SENP7: variants seen among roughly 807,000 people sequenced by gnomAD.
The protein encoded by SENP7 is SUMO specific peptidase 7, also known as sentrin-specific protease 7.
SENP7 carries 64 observed loss-of-function variants against 141.2 expected under a neutral mutation model. The observed-to-expected ratio is 0.45, with a 90% CI of 0.37 to 0.56. The LOEUF is 0.56. Ranked by LOEUF, SENP7 falls within the 20% of genes least tolerant of loss-of-function variation. The pLI is 0.00. For synonymous variants in SENP7, 382 were observed against 426.4 expected (o/e 0.90, Z 1.28); for missense variants, 1,025 against 1,212.2 (o/e 0.85, Z 2.29).
At chr3:101,333,536 TAATC>T (rs2107130259) in intron 17 of SENP7, among the ~76,000 whole-genome samples, 1 of 152,154 alleles carries the variant, frequency 6.6e-6, no homozygotes, top group African/African-American at 2.4e-5. Context: ...AAAAATAAAT[TAATC>T]AGTTAACTTA....
At chr3:101,330,700 G>A (rs1035700328) in intron 19 of SENP7, among the ~76,000 whole-genome samples, 2 of 152,178 alleles carry the variant, frequency 1.3e-5, no homozygotes, top group African/African-American at 4.8e-5. Context: ...ATTTAATGCA[G>A]AAGGTAGTTA....
At chr3:101,505,007 G>A (rs1461471581) in intron 1 of SENP7, among the ~76,000 whole-genome samples, 1 of 152,120 alleles carries the variant, frequency 6.6e-6, no homozygotes, top group Non-Finnish European at 1.5e-5. Flanking sequence ...CGAGGCTGCA[G>A]TGGGCCGTTT....
intron 6 of SENP7, among the ~76,000 whole-genome samples, chr3:101,377,341 C>T (rs1037404517): frequency 1.3e-5 from 2 of 152,044 alleles, no homozygotes; most frequent in Non-Finnish European, 1.5e-5. Flanking sequence ...TACAGAGAAT[C>T]GCAACTTACT....
At chr3:101,348,820 A>G (rs2059539986) in intron 12 of SENP7, among the ~76,000 whole-genome samples, 1 of 151,948 alleles carries the variant, frequency 6.6e-6, no homozygotes, top group African/African-American at 2.4e-5. Flanking sequence ...AAACTGATTT[A>G]AAGAAGTCCT....
intron 3 of SENP7, among the ~76,000 whole-genome samples, chr3:101,469,376 T>C (rs2063888180): frequency 6.6e-6 from 1 of 152,098 alleles, no homozygotes; most frequent in African/African-American, 2.4e-5. Flanking sequence ...TATCCAGGAC[T>C]TGAACTCAGC....
intron 3 of SENP7, among the ~76,000 whole-genome samples, chr3:101,460,992 G>A (rs908375530): frequency 2.6e-5 from 4 of 151,804 alleles, no homozygotes; most frequent in Non-Finnish European, 4.4e-5. Context: ...AATTCAGTAA[G>A]ATAAAGACAA....
Position 101,324,517 on chromosome 3 carries a change from G to C in SENP7, c.*1426C>G, listed in dbSNP as rs1196778434. 6.6e-6 allele frequency: 1 copy of C among 151,778 alleles called. No individual in the cohort carries two copies. The highest frequency in any genetic ancestry group is 1.5e-5 in the Non-Finnish European group (1 of 67,932). The allele number at this position is 151,778 out of a possible 1,614,324, so 9.4% of individuals were successfully genotyped here. On this transcript the variant is annotated 3_prime_UTR_variant, in exon 24 of 24. Transcript: ENST00000394095. Reference sequence around the variant, plus strand: ...AGTACCCCCCAACACACACAAATTGGGAATGAAATATGTAATTATAGCCAT... The same window carrying C: ...AGTACCCCCCAACACACACAAATTGCGAATGAAATATGTAATTATAGCCAT...
At chr3:101,511,809 T>A (rs1442101418) in intron 1 of SENP7, among the ~76,000 whole-genome samples, 1 of 152,044 alleles carries the variant, frequency 6.6e-6, no homozygotes, top group Admixed American at 6.6e-5. Context: ...TTGGTTTTTT[T>A]TGTTTTTTTT....
intron 2 of SENP7, among the ~76,000 whole-genome samples, chr3:101,499,462 G>A (rs1220054033): frequency 3.3e-5 from 5 of 151,806 alleles, no homozygotes; most frequent in African/African-American, 7.3e-5. Context: ...TCTGCCTCCC[G>A]GGTTCAAGCG....
intron 4 of SENP7, chr3:101,457,202 G>A: frequency 2.1e-6 from 3 of 1,418,710 alleles, no homozygotes. Flanking sequence ...GCAGCTCCCA[G>A]TAACTTCTTC....
chr3:101,508,770 T>C (rs2065732223), intron 1 of SENP7, among the ~76,000 whole-genome samples: 1 of 152,116 alleles, frequency 6.6e-6, no homozygotes, highest in Admixed American at 6.6e-5. Context: ...TAAACTCATT[T>C]TTCTTCCAAA....
At chr3:101,381,897 T>C (rs2060512268) in intron 6 of SENP7, among the ~76,000 whole-genome samples, 1 of 152,134 alleles carries the variant, frequency 6.6e-6, no homozygotes, top group Non-Finnish European at 1.5e-5. Flanking sequence ...TGGATTATTG[T>C]CATTACCAAA....
At chr3:101,477,489 A>C (rs1045833352) in intron 3 of SENP7, among the ~76,000 whole-genome samples, 18 of 130,958 alleles carry the variant, frequency 1.4e-4, no homozygotes, top group African/African-American at 4.0e-4. Context: ...AAAAGTATAA[A>C]GATTTTAAGT....
At chr3:101,409,693 C>T (rs915175917) in intron 5 of SENP7, among the ~76,000 whole-genome samples, 2 of 152,114 alleles carry the variant, frequency 1.3e-5, no homozygotes, top group Non-Finnish European at 2.9e-5. Context: ...GGAAAGAACA[C>T]TCTTTTCAAC....
chr3:101,406,578 T>TA (rs1189812350), intron 5 of SENP7, among the ~76,000 whole-genome samples: 294 of 126,596 alleles, frequency 2.3e-3, no homozygotes, highest in African/African-American at 3.3e-3. Flanking sequence ...ACTTAAAGTA[T>TA]AAAAAAAAAA....
intron 4 of SENP7, among the ~76,000 whole-genome samples, chr3:101,443,041 T>G (rs1408056387): frequency 6.6e-6 from 1 of 152,246 alleles, no homozygotes; most frequent in Non-Finnish European, 1.5e-5. Flanking sequence ...ATGTCCTGAA[T>G]GGTAATGCCG....
At chr3:101,441,052 C>T (rs1193712108) in intron 4 of SENP7, among the ~76,000 whole-genome samples, 2 of 152,144 alleles carry the variant, frequency 1.3e-5, no homozygotes, top group Admixed American at 6.5e-5. Flanking sequence ...CACCCACACC[C>T]GCCATCCAGG....
intron 11 of SENP7, chr3:101,357,160 C>T (rs567176215): frequency 5.4e-6 from 1 of 183,530 alleles, no homozygotes; most frequent in South Asian, 1.2e-4. Context: ...CCCACCATGC[C>T]CAGTCAATTT....
At chr3:101,398,827 T>A in intron 6 of SENP7, 34 bp downstream of exon 6, 1 of 1,392,894 alleles carries the variant, frequency 7.2e-7, no homozygotes, top group Non-Finnish European at 9.8e-7. Context: ...AAAATAAATA[T>A]AATTATTTTG....
Sources: allele counts gnomAD v4.1 joint callset (sites outside exome capture counted in the v4.1 genomes callset), GRCh38; gene constraint gnomAD v4.1.1; transcripts MANE v1.5; gene names NCBI Gene and HGNC (gene_info 2026-07-23, HGNC 2026-07-21).